Variants in ZNF215 observed in about 807,000 individuals in gnomAD.
The protein encoded by ZNF215 is zinc finger protein 215.
ZNF215 carries 24 observed loss-of-function variants against 27.2 expected under a neutral mutation model. That is an observed-to-expected ratio of 0.88 (90% CI 0.64 to 1.24). The LOEUF is 1.24. ZNF215 is among the 50% of genes most tolerant of loss of function. The probability of loss-of-function intolerance (pLI) is 0.00; values close to 1 mark genes in which losing one functional copy is unlikely to be tolerated. For synonymous variants in ZNF215, 210 were observed against 204.0 expected, an observed-to-expected ratio of 1.03 and a Z score of -0.25; for missense variants, 675 against 605.7, an observed-to-expected ratio of 1.11 and a Z score of -1.20.
Position 6,956,598 on chromosome 11 carries a change from C to T in ZNF215, c.*67C>T, listed in dbSNP as rs12281620. ...ACTCATTTAACATCATGAATTTATG[C>T]TGGATAAAATCTCATGAATATAATG... On this transcript the variant is annotated 3_prime_UTR_variant, in exon 7 of 7. Coordinates refer to ENST00000278319, the MANE Select transcript of ZNF215 (RefSeq NM_013250.4). The T allele has an allele frequency of 1.2e-4, 177 of 1,477,124 alleles. No homozygotes were observed. In the African/African-American group the frequency reaches 1.8e-3, roughly 15 times the overall value. 91.5% of individuals were successfully genotyped at this position (1,477,124 alleles called of 1,614,324 possible).
chr11:6,949,695 T>A (rs981748096), intron 6 of ZNF215, among the ~76,000 whole-genome samples: 41 of 152,216 alleles, frequency 2.7e-4, no homozygotes, highest in Admixed American at 3.3e-4. Context: ...CTGTTCACTC[T>A]GATGGTAGTT....
At chr11:6,987,085 A>T (rs1851065352), downstream of ZNF215, among the ~76,000 whole-genome samples, 2 of 152,192 alleles carry the variant, frequency 1.3e-5, no homozygotes, top group Admixed American at 6.5e-5. Flanking sequence ...ACATGCACCC[A>T]TATGTTCATT....
intron 3 of ZNF215, among the ~76,000 whole-genome samples, chr11:6,941,258 G>C (rs540771578): frequency 6.6e-6 from 1 of 152,306 alleles, no homozygotes; most frequent in East Asian, 1.9e-4. Flanking sequence ...TTAGGCTTTA[G>C]TTATGACAGA....
rs1850287633 is a variant in ZNF215 at position 6,955,371 on chromosome 11, A to G, written c.713-319A>G. On this transcript the variant is annotated intron_variant, in intron 6 of 6. Transcript: ENST00000278319. ...AAGGAATATTAGGCAGAGACTTCATACACTAGTTACGAACCAGTGATAACT... is the reference window on the plus strand; with the variant it reads ...AAGGAATATTAGGCAGAGACTTCATGCACTAGTTACGAACCAGTGATAACT... 2.0e-5 allele frequency among the ~76,000 whole-genome samples: 3 copies of G among 152,336 alleles called. No homozygotes were observed. In the South Asian group the frequency reaches 6.2e-4, roughly 32 times the overall value.
intron 6 of ZNF215, among the ~76,000 whole-genome samples, chr11:6,953,543 T>C (rs1290234453): frequency 3.3e-5 from 5 of 152,262 alleles, no homozygotes; most frequent in African/African-American, 4.8e-5. Context: ...CTGAGGCTTC[T>C]GCATTCTTCA....
At chr11:6,935,113 A>G (rs1302983441) in intron 3 of ZNF215, among the ~76,000 whole-genome samples, 1 of 152,212 alleles carries the variant, frequency 6.6e-6, no homozygotes, top group African/African-American at 2.4e-5. Flanking sequence ...AAAATGTATT[A>G]GCTACTGCTG....
intron 5 of ZNF215, among the ~76,000 whole-genome samples, chr11:6,975,859 A>G (rs1378415046): frequency 6.6e-6 from 1 of 152,132 alleles, no homozygotes; most frequent in Admixed American, 6.6e-5. Context: ...TTTTGGATAC[A>G]TATCCAACAG....
intron 6 of ZNF215, among the ~76,000 whole-genome samples, chr11:6,946,996 T>C (rs939367585): frequency 1.3e-5 from 2 of 152,240 alleles, no homozygotes; most frequent in African/African-American, 4.8e-5. Flanking sequence ...TTAAATTCTG[T>C]GGATCACAGT....
chr11:6,950,422 T>C (rs965556664), intron 6 of ZNF215, among the ~76,000 whole-genome samples: 31 of 152,172 alleles, frequency 2.0e-4, no homozygotes, highest in Non-Finnish European at 3.1e-4. Context: ...CAGTGGTTTG[T>C]AGTTCTCCTT....
intron 5 of ZNF215, among the ~76,000 whole-genome samples, chr11:6,970,510 A>G (rs1457280262): frequency 6.6e-6 from 1 of 152,184 alleles, no homozygotes; most frequent in Non-Finnish European, 1.5e-5. Context: ...TTATTTTTTA[A>G]TCCTTGTGTA....
intron 6 of ZNF215, among the ~76,000 whole-genome samples, chr11:6,952,701 G>A (rs1042435961): frequency 2.0e-5 from 3 of 152,248 alleles, no homozygotes; most frequent in African/African-American, 7.2e-5. Context: ...TTGCCAGTCC[G>A]TGTCTTTTAA....
At chr11:6,950,050 C>T (rs71472619) in intron 6 of ZNF215, among the ~76,000 whole-genome samples, 28,184 of 149,852 alleles carry the variant, frequency 0.19, 2,717 homozygotes, top group Middle Eastern at 0.23. Flanking sequence ...TGTAGATATG[C>T]GGCGTTATTT....
chr11:6,980,325 C>G (rs1450531325), intron 5 of ZNF215, among the ~76,000 whole-genome samples: 1 of 151,892 alleles, frequency 6.6e-6, no homozygotes, highest in Non-Finnish European at 1.5e-5. Context: ...TTAGATGTAA[C>G]TATAGCAATG....
At chr11:6,970,034 G>A (rs1850690928) in intron 5 of ZNF215, among the ~76,000 whole-genome samples, 1 of 152,068 alleles carries the variant, frequency 6.6e-6, no homozygotes, top group Non-Finnish European at 1.5e-5. Flanking sequence ...CGCCTGCCTG[G>A]GCCTCCCATA....
chr11:6,976,716 T>TC (rs1345417779), intron 5 of ZNF215, among the ~76,000 whole-genome samples: 6 of 152,058 alleles, frequency 3.9e-5, no homozygotes, highest in African/African-American at 1.4e-4. Flanking sequence ...TCACCACTCT[T>TC]CCCCATGCTC....
rs535447594 is a variant in ZNF215 at position 6,928,142 on chromosome 11, ACTC to A, written c.-180+336_-180+338del. Among the ~76,000 whole-genome samples the A allele has an allele frequency of 1.9e-3, 293 of 151,758 alleles. 1 individual carries two copies. The highest frequency in any genetic ancestry group is 7.0e-3 in the African/African-American group (291 of 41,388). On this transcript the variant is annotated intron_variant, in intron 2 of 6. Transcript: ENST00000278319. ...TCTAGTAATAAATATGGTTTCCACT[ACTC>A]TTGTTTACCATTTATCAAGGATTTT...
At chr11:6,979,947 T>A (rs1850913583) in intron 5 of ZNF215, among the ~76,000 whole-genome samples, 1 of 152,102 alleles carries the variant, frequency 6.6e-6, no homozygotes, top group South Asian at 2.1e-4. Flanking sequence ...TCAACCAACT[T>A]CCTGAAACAT....
rs1850427135 is a variant in ZNF215, at chr11:6,957,866, T to C, written c.*1335T>C. Reference sequence around the variant, plus strand: ...CACCAGAACTGTGTCTTCTGTAAACTACCTCAGGATCCCATCTGGTTCTTG... The same window carrying C: ...CACCAGAACTGTGTCTTCTGTAAACCACCTCAGGATCCCATCTGGTTCTTG... On this transcript the variant is annotated 3_prime_UTR_variant, in exon 7 of 7. Transcript: ENST00000278319. 5.1e-6 allele frequency: 5 copies of C among 985,426 alleles called. No individual in the cohort carries two copies. Among genetic ancestry groups the C allele is most frequent in the Non-Finnish European group, 6.0e-6 (5 of 829,922 alleles). The allele number at this position is 985,426 out of a possible 1,614,324, so 61.0% of individuals were successfully genotyped here.
At chr11:6,958,707 G>T (rs1850454840), downstream of ZNF215, among the ~76,000 whole-genome samples, 1 of 152,182 alleles carries the variant, frequency 6.6e-6, no homozygotes, top group African/African-American at 2.4e-5. Flanking sequence ...GAGCAAGGAA[G>T]CCAAGTCCCA....
Sources: allele counts gnomAD v4.1 joint callset (sites outside exome capture counted in the v4.1 genomes callset), GRCh38; gene constraint gnomAD v4.1.1; transcripts MANE v1.5; gene names NCBI Gene and HGNC (gene_info 2026-07-23, HGNC 2026-07-21).